Variants in MICAL3 observed in about 807,000 individuals in gnomAD.
MICAL3 encodes the protein microtubule associated monooxygenase, calponin and LIM domain containing 3.
In MICAL3, 62 loss-of-function variants were observed where a neutral mutation model predicts 207.4. The ratio of observed to expected loss-of-function variants is 0.30; its 90% CI spans 0.24 to 0.37. The LOEUF (loss-of-function observed/expected upper bound fraction) is 0.37. MICAL3 is among the 10% of genes least tolerant of loss of function. The probability of loss-of-function intolerance (pLI) is 1.00; values close to 1 mark genes in which losing one functional copy is unlikely to be tolerated. For synonymous variants in MICAL3, 1,077 were observed against 1,069.3 expected, an observed-to-expected ratio of 1.01 and a Z score of -0.14; for missense variants, 2,368 against 2,635.6, an observed-to-expected ratio of 0.90 and a Z score of 2.22.
chr22:17,935,523 G>T (rs182252192), intron 1 of MICAL3, among the ~76,000 whole-genome samples: 1 of 152,144 alleles, frequency 6.6e-6, no homozygotes, highest in Non-Finnish European at 1.5e-5. Flanking sequence ...GCATGGGCAA[G>T]GACTTAATGA....
rs1384316496 is a variant in MICAL3, at chr22:17,793,719, G to C, written c.5651-2418C>G. On this transcript the variant is annotated intron_variant, in intron 29 of 31. Coordinates refer to ENST00000441493, the MANE Select transcript of MICAL3 (RefSeq NM_015241.3). The surrounding 1 kb of genome is among the most constrained non-coding windows in gnomAD (Gnocchi z 4.1). The stretch of plus-strand genomic sequence containing the variant: ...AGGCAGTGGGGATGGGGTTGGCGAG[G>C]TTACGTTACCTTCCTGGACACAGCA... 6.6e-6 allele frequency: 1 copy of C among 152,430 alleles called. No individual in the cohort carries two copies. Among genetic ancestry groups the C allele is most frequent in the Admixed American group, 6.5e-5 (1 of 15,270 alleles). The allele number at this position is 152,430 out of a possible 1,614,324, so 9.4% of individuals were successfully genotyped here.
At chr22:17,811,079 C>T (rs753035172) in intron 27 of MICAL3, 1 of 419,440 alleles carries the variant, frequency 2.4e-6, no homozygotes, top group South Asian at 2.9e-5. Context: ...GAGACATTTC[C>T]CCACCTCTGC....
rs1314218533 is a variant in MICAL3 at position 17,900,297 on chromosome 22, A to G, written c.847+545T>C. ...CTAGTGGAGGCAGAACGAATGCTTT[A>G]CAACAAATAAACGAACAAACAAAAC... On this transcript the variant is annotated intron_variant, in intron 6 of 31. Coordinates refer to ENST00000441493, the MANE Select transcript of MICAL3 (RefSeq NM_015241.3). The surrounding 1 kb of genome is among the most constrained non-coding windows in gnomAD (Gnocchi z 4.0). Among the ~76,000 whole-genome samples, 1 of 152,212 alleles carries G rather than the reference A, an allele frequency of 6.6e-6. No homozygotes were observed. Among genetic ancestry groups the G allele is most frequent in the Non-Finnish European group, 1.5e-5 (1 of 68,034 alleles).
At chr22:17,963,844 C>T (rs9604813) in intron 1 of MICAL3, among the ~76,000 whole-genome samples, 10,217 of 152,214 alleles carry the variant, frequency 0.067, 506 homozygotes, top group African/African-American at 0.14. Context: ...GACAAGGAGC[C>T]GCTTTACCCA....
At chr22:17,820,429 A>T (rs1461312907) in intron 25 of MICAL3, among the ~76,000 whole-genome samples, 1 of 152,112 alleles carries the variant, frequency 6.6e-6, no homozygotes, top group Non-Finnish European at 1.5e-5. Context: ...ATCTCGGCTC[A>T]CTGCAAGCTC....
chr22:17,869,649 A>T (rs1331463360), intron 17 of MICAL3, among the ~76,000 whole-genome samples: 1 of 152,238 alleles, frequency 6.6e-6, no homozygotes. Context: ...ACATCTTCAA[A>T]TATGATTCTT....
chr22:17,836,194 C>G (rs1923347244), intron 20 of MICAL3, among the ~76,000 whole-genome samples: 1 of 152,238 alleles, frequency 6.6e-6, no homozygotes, highest in South Asian at 2.1e-4. Flanking sequence ...GTTTGCTCCA[C>G]TTCACGTGCT....
intron 1 of MICAL3, among the ~76,000 whole-genome samples, chr22:17,966,282 C>T (rs2146397553): frequency 6.6e-6 from 1 of 152,280 alleles, no homozygotes; most frequent in South Asian, 2.1e-4. Flanking sequence ...AGCCTGTGGG[C>T]ACATTCCACT....
At chr22:17,960,761 G>A (rs1163939336) in intron 1 of MICAL3, among the ~76,000 whole-genome samples, 2 of 152,092 alleles carry the variant, frequency 1.3e-5, no homozygotes, top group South Asian at 2.1e-4. Flanking sequence ...AGGGGGGCCC[G>A]CAAAGTGGGG....
chr22:17,890,747 A>G (rs1930328477), intron 12 of MICAL3, among the ~76,000 whole-genome samples: 1 of 152,232 alleles, frequency 6.6e-6, no homozygotes, highest in South Asian at 2.1e-4. Flanking sequence ...CTAATGATGA[A>G]AAGGACAGGA....
chr22:17,998,547 AATT>A (rs869148250), intron 1 of MICAL3, among the ~76,000 whole-genome samples: 230 of 138,150 alleles, frequency 1.7e-3, no homozygotes, highest in African/African-American at 5.5e-3. Flanking sequence ...TAATAATAAT[AATT>A]ATTATTATTA....
chr22:17,896,781 C>T lies in MICAL3; in HGVS notation c.1149G>A (p.Val383=), dbSNP rs1217296781. The part of the protein sequence containing the change: ...CMYASENAAL[V]REQNGHQLLV... ...GTAACTGGTGTCCGTTCTGCTCCCG[C>T]ACCAAGGCGGCGTTCTCGGAGGCAT... Residue 383 remains valine, a synonymous_variant, in exon 8 of 32, where the codon GTG becomes GTA. Transcript: ENST00000441493. 3.7e-6 allele frequency: 6 copies of T among 1,613,938 alleles called. No individual in the cohort carries two copies. The highest frequency in any genetic ancestry group is 1.6e-4 in the Middle Eastern group (1 of 6,084).
intron 1 of MICAL3, among the ~76,000 whole-genome samples, chr22:17,947,265 G>A (rs1934118219): frequency 6.6e-6 from 1 of 152,190 alleles, no homozygotes; most frequent in South Asian, 2.1e-4. Flanking sequence ...TACACACCCA[G>A]AGGACAGTGG....
intron 16 of MICAL3, chr22:17,872,835 G>A (rs772061897): frequency 7.5e-6 from 12 of 1,609,364 alleles, no homozygotes; most frequent in East Asian, 4.5e-5. Flanking sequence ...CACTCCGCCC[G>A]TGTACATCTT....
At chr22:17,812,692 G>T in intron 27 of MICAL3, 1 of 278,768 alleles carries the variant, frequency 3.6e-6, no homozygotes, top group Non-Finnish European at 5.4e-6. Context: ...CTTAAAACAC[G>T]AGATTATTTT....
chr22:17,841,524 G>A lies in MICAL3; in HGVS notation c.2801+298C>T, dbSNP rs1924007479. ...GCCCGTCCTTCCCTCTGCTGAATCT[G>A]TGAATAACCCGGGGGCAGAGCCTGC... is the stretch of plus-strand genomic sequence containing the variant. On this transcript the variant is annotated intron_variant, in intron 20 of 31. Transcript: ENST00000441493. This position sits in a 1 kb window ranked among gnomAD's most constrained non-coding sequence, Gnocchi z 4.2. The A allele has an allele frequency of 3.7e-6, 2 of 543,018 alleles. No homozygotes were observed. The highest frequency in any genetic ancestry group is 4.9e-4 in the Middle Eastern group (1 of 2,046). The allele number at this position is 543,018 out of a possible 1,614,324, so 33.6% of individuals were successfully genotyped here. A position where few individuals can be genotyped will look rare whatever the true frequency, so the allele number is the denominator to read the frequency against.
In MICAL3 at chr22:17,926,396, T is replaced by C. The variant is rs1932927072; in HGVS notation, c.-74-19510A>G. Among the ~76,000 whole-genome samples, 2 of 152,210 alleles carry C rather than the reference T, an allele frequency of 1.3e-5. 1 individual carries two copies. The highest frequency in any genetic ancestry group is 4.1e-4 in the South Asian group (2 of 4,826). On this transcript the variant is annotated intron_variant, in intron 1 of 31. Transcript: ENST00000441493. Reference sequence around the variant, plus strand: ...ATAGCTGAACTCTCCTGCCCTGGTTTCTCTGTGCATGCTCCTCCGGCTTTT... The same window carrying C: ...ATAGCTGAACTCTCCTGCCCTGGTTCCTCTGTGCATGCTCCTCCGGCTTTT...
At chr22:17,854,311 G>T (rs1248233450) in intron 19 of MICAL3, among the ~76,000 whole-genome samples, 1 of 152,116 alleles carries the variant, frequency 6.6e-6, no homozygotes, top group African/African-American at 2.4e-5. Flanking sequence ...AGCAAAGCAG[G>T]ATCCAGCCCA....
At chr22:18,022,684 C>T (rs1012887858) in intron 1 of MICAL3, among the ~76,000 whole-genome samples, 3 of 152,230 alleles carry the variant, frequency 2.0e-5, no homozygotes, top group African/African-American at 7.2e-5. Flanking sequence ...CTACCTCGGG[C>T]TCCCAAAGTG....
Sources: allele counts gnomAD v4.1 joint callset (sites outside exome capture counted in the v4.1 genomes callset), GRCh38; gene constraint gnomAD v4.1.1; non-coding constraint Gnocchi (gnomAD v3.1); transcripts MANE v1.5; gene names NCBI Gene and HGNC (gene_info 2026-07-23, HGNC 2026-07-21).